The following RBMS1 variants were observed in gnomAD, a reference collection of about 807,000 sequenced individuals.
The protein encoded by RBMS1 is RNA-binding motif, single-stranded-interacting protein 1.
RBMS1 carries 17 observed loss-of-function variants against 62.3 expected under a neutral mutation model. That is an observed-to-expected ratio of 0.27 (90% CI 0.19 to 0.41). RBMS1 has a LOEUF of 0.41. Ranked by LOEUF, RBMS1 falls within the 10% of genes least tolerant of loss-of-function variation. The pLI, the probability that RBMS1 is intolerant of heterozygous loss-of-function variation, is 1.00. For missense variants in RBMS1, 334 were observed against 504.5 expected (o/e 0.66, Z 3.24); for synonymous variants, 172 against 170.0 (o/e 1.01, Z -0.09).
At chr2:160,282,369 T>C (rs1425215861) in intron 9 of RBMS1, 1 of 1,315,076 alleles carries the variant, frequency 7.6e-7, no homozygotes, top group Non-Finnish European at 1.0e-6. Flanking sequence ...ACTGTAGCCT[T>C]TCCCCATTGG....
chr2:160,286,833 G>T (rs765344345), intron 7 of RBMS1, 136 bp downstream of exon 7: 18 of 1,501,662 alleles, frequency 1.2e-5, no homozygotes, highest in Non-Finnish European at 1.5e-5. Flanking sequence ...ATAATGTACC[G>T]AAAGGAAGAT....
At chr2:160,289,155 A>G (rs1362144359) in intron 6 of RBMS1, among the ~76,000 whole-genome samples, 2 of 152,218 alleles carry the variant, frequency 1.3e-5, no homozygotes, top group Non-Finnish European at 2.9e-5. Flanking sequence ...CTAAAAATGC[A>G]TAACAAGGAG....
chr2:160,462,294 C>A (rs1361501195), intron 1 of RBMS1, among the ~76,000 whole-genome samples: 5 of 152,200 alleles, frequency 3.3e-5, no homozygotes, highest in African/African-American at 1.2e-4. Context: ...TATAAGGACA[C>A]AATGCCTGCC....
rs775378399 is a variant in RBMS1 at position 160,318,221 on chromosome 2, C to G, written c.258G>C (p.Gly86=). The change falls in exon 3 of 14, where the codon GGG becomes GGC. Residue 86 remains glycine (G), a synonymous_variant. Coordinates refer to ENST00000348849, the MANE Select transcript of RBMS1 (RefSeq NM_016836.4). Reference sequence around the variant, plus strand: ...AAATTGCCTTTGTGGAGACTATTTTCCCATATCTAAAAAAAAAAAAAAAAA... The same window carrying G: ...AAATTGCCTTTGTGGAGACTATTTTGCCATATCTAAAAAAAAAAAAAAAAA... ...QDLVKLCQPY[G]KIVSTKAILD... The G allele has an allele frequency of 1.5e-5, 20 of 1,339,486 alleles. No individual in the cohort carries two copies. In the South Asian group the frequency reaches 2.8e-4, roughly 19 times the overall value. The allele number at this position is 1,339,486 out of a possible 1,614,324, so 83.0% of individuals were successfully genotyped here.
At chr2:160,462,619 T>C (rs1037846770) in intron 1 of RBMS1, among the ~76,000 whole-genome samples, 4 of 152,152 alleles carry the variant, frequency 2.6e-5, no homozygotes, top group African/African-American at 7.2e-5. Flanking sequence ...ATTTCTTTCT[T>C]TTTTTTGAGA....
intron 1 of RBMS1, among the ~76,000 whole-genome samples, chr2:160,461,815 G>C (rs1684476460): frequency 6.6e-6 from 1 of 152,226 alleles, no homozygotes; most frequent in Non-Finnish European, 1.5e-5. Context: ...GGAGATCATA[G>C]CAAGGAGAGA....
intron 1 of RBMS1, among the ~76,000 whole-genome samples, chr2:160,400,806 T>C (rs929223573): frequency 3.3e-5 from 5 of 152,012 alleles, no homozygotes; most frequent in Non-Finnish European, 7.4e-5. Flanking sequence ...TCTAAAAAGG[T>C]AGGACAGGAG....
At chr2:160,385,531 G>A (rs1694524556) in intron 1 of RBMS1, among the ~76,000 whole-genome samples, 1 of 152,170 alleles carries the variant, frequency 6.6e-6, no homozygotes, top group African/African-American at 2.4e-5. Flanking sequence ...ATTGTTCTGG[G>A]ATTTTGTCAC....
At position 160,401,426 on chromosome 2, in the gene RBMS1, T is replaced by C. The variant is rs80027911; in HGVS notation, c.76-34035A>G. ...ATTTCATTTGCTCCATTTAATTCTT[T>C]CACCTTATCCTAATTCCAGGAAATG... On this transcript the variant is annotated intron_variant, in intron 1 of 13. Transcript: ENST00000348849. Among the ~76,000 whole-genome samples the C allele has an allele frequency of 2.7e-3, 418 of 152,320 alleles. 19 individuals carry two copies. In the East Asian group the frequency reaches 0.064, roughly 23 times the overall value.
chr2:160,320,153 C>G (rs1271297831), intron 2 of RBMS1, among the ~76,000 whole-genome samples: 1 of 152,230 alleles, frequency 6.6e-6, no homozygotes, highest in African/African-American at 2.4e-5. Flanking sequence ...GAATATTTCA[C>G]CCATCCAAAT....
At chr2:160,384,358 A>G (rs1694457821) in intron 1 of RBMS1, among the ~76,000 whole-genome samples, 1 of 152,188 alleles carries the variant, frequency 6.6e-6, no homozygotes, top group African/African-American at 2.4e-5. Flanking sequence ...AGATGTCCCA[A>G]TTTATTTCTA....
chr2:160,385,494 G>C (rs1338457900), intron 1 of RBMS1, among the ~76,000 whole-genome samples: 5 of 152,220 alleles, frequency 3.3e-5, no homozygotes, highest in African/African-American at 4.8e-5. Context: ...AGAGGTCCCT[G>C]GAAGGCCTGG....
intron 1 of RBMS1, among the ~76,000 whole-genome samples, chr2:160,476,451 T>C (rs945693687): frequency 6.6e-6 from 1 of 152,148 alleles, no homozygotes; most frequent in Non-Finnish European, 1.5e-5. Flanking sequence ...CTTTATCATG[T>C]TGGTAAACAA....
At chr2:160,396,591 A>C (rs1342229284) in intron 1 of RBMS1, among the ~76,000 whole-genome samples, 2 of 121,428 alleles carry the variant, frequency 1.6e-5, no homozygotes, top group Non-Finnish European at 3.2e-5. Context: ...AGATGAAGGA[A>C]GTCTCACTCT....
intron 2 of RBMS1, among the ~76,000 whole-genome samples, chr2:160,351,294 T>A (rs186293865): frequency 0.01 from 1,580 of 151,972 alleles, 19 homozygotes; most frequent in Admixed American, 0.038. Context: ...ACCTGCACAT[T>A]GTGTACATGT....
intron 1 of RBMS1, among the ~76,000 whole-genome samples, chr2:160,383,721 C>T (rs1406451243): frequency 6.6e-6 from 1 of 152,068 alleles, no homozygotes; most frequent in Admixed American, 6.5e-5. Context: ...GGTGGTATAG[C>T]GAGCTATGTA....
intron 1 of RBMS1, among the ~76,000 whole-genome samples, chr2:160,418,610 T>G (rs13424281): frequency 0.026 from 3,905 of 152,254 alleles, 159 homozygotes; most frequent in African/African-American, 0.086. Flanking sequence ...ACTAGTTCCT[T>G]GCATTTCCTC....
At chr2:160,291,386 T>C (rs533808445) in intron 6 of RBMS1, among the ~76,000 whole-genome samples, 15 of 152,230 alleles carry the variant, frequency 9.9e-5, no homozygotes, top group Admixed American at 2.0e-4. Flanking sequence ...GCTTTCTTTC[T>C]GATAATGTTG....
Position 160,410,578 on chromosome 2 carries a change from T to C in RBMS1, c.76-43187A>G, listed in dbSNP as rs560179543. ...TTATAGATTATTCATAAGTGCTTAG[T>C]TGTAAGAGTGATTACAGGGACAGAT... is the stretch of plus-strand genomic sequence containing the variant. On this transcript the variant is annotated intron_variant, in intron 1 of 13. Transcript: ENST00000348849. Among the ~76,000 whole-genome samples, 36 of 152,340 alleles carry C rather than the reference T, an allele frequency of 2.4e-4. No individual in the cohort carries two copies. In the East Asian group the frequency reaches 6.6e-3, roughly 28 times the overall value.
Sources: allele counts gnomAD v4.1 joint callset (sites outside exome capture counted in the v4.1 genomes callset), GRCh38; gene constraint gnomAD v4.1.1; transcripts MANE v1.5; gene names NCBI Gene and HGNC (gene_info 2026-07-23, HGNC 2026-07-21).